CCDC187: variants seen among roughly 807,000 people sequenced by gnomAD.
CCDC187 encodes the protein coiled-coil domain containing 187.
A neutral mutation model predicts 38.0 loss-of-function variants in CCDC187; 32 were observed. The observed-to-expected ratio is 0.84, with a 90% CI of 0.64 to 1.13. The LOEUF (loss-of-function observed/expected upper bound fraction) is 1.13. Among genes scored for constraint, CCDC187 ranks in the 50% most tolerant of loss-of-function variants. CCDC187 has a pLI of 0.00. For missense variants in CCDC187, 707 were observed against 786.8 expected (o/e 0.90, Z 1.21); for synonymous variants, 333 against 347.9 (o/e 0.96, Z 0.48).
chr9:136,268,512 C>G (rs529012821), intron 14 of CCDC187, among the ~76,000 whole-genome samples: 2 of 152,280 alleles, frequency 1.3e-5, no homozygotes, highest in Admixed American at 1.3e-4. Flanking sequence ...AGATCCCCAG[C>G]TGAAGTAGCT....
At chr9:136,260,069 C>G in intron 20 of CCDC187, 50 bp downstream of exon 20, 3 of 985,108 alleles carry the variant, frequency 3.0e-6, no homozygotes, top group Non-Finnish European at 3.6e-6. Context: ...CCAGGGCCCA[C>G]TGAATGAGCA....
At position 136,257,918 on chromosome 9, in the gene CCDC187, A is replaced by G. The variant is rs547307451; in HGVS notation, c.4366+1014T>C. On this transcript the variant is annotated intron_variant, in intron 22 of 25. Coordinates refer to ENST00000638797, the MANE Select transcript of CCDC187 (RefSeq NM_001378188.1). This position sits in a 1 kb window ranked among gnomAD's most constrained non-coding sequence, Gnocchi z 4.5. ...GGTGAACCCTAGACCACGTGAGAAC[A>G]TAAGTCAGGCCTCAGGCTCCTCCTC... is the stretch of plus-strand genomic sequence containing the variant. Among the ~76,000 whole-genome samples the G allele has an allele frequency of 1.3e-5, 2 of 152,346 alleles. No homozygotes were observed. The highest frequency in any genetic ancestry group is 6.5e-5 in the Admixed American group (1 of 15,306).
chr9:136,278,745 G>T (rs1007771161), intron 10 of CCDC187, among the ~76,000 whole-genome samples: 16,174 of 152,210 alleles, frequency 0.11, 1,216 homozygotes, highest in Admixed American at 0.19. Flanking sequence ...TGAGAGCCAG[G>T]GCCCTGCTGT....
rs1588654481 is a variant in CCDC187 at position 136,267,594 on chromosome 9, C to T, written c.3520-83G>A. 4 of 985,484 alleles carry T rather than the reference C, an allele frequency of 4.1e-6. No individual in the cohort carries two copies. The East Asian group carries it at 4.5e-4, about 112-fold the overall frequency. 61.0% of individuals were successfully genotyped at this position (985,484 alleles called of 1,614,324 possible). ...CGCGGGGCTCCAGTAGGGTGGGCCG[C>T]GTCACCGCCTAGCTTCTAGACCGCT... On this transcript the variant is annotated intron_variant, in intron 15 of 25. Coordinates refer to ENST00000638797, the MANE Select transcript of CCDC187 (RefSeq NM_001378188.1).
intron 20 of CCDC187, among the ~76,000 whole-genome samples, chr9:136,259,858 G>A (rs1030009716): frequency 8.5e-5 from 13 of 152,186 alleles, no homozygotes; most frequent in Non-Finnish European, 1.5e-4. Context: ...GTGGTTTCCC[G>A]GCTGGCACAC....
At position 136,255,084 on chromosome 9, in the gene CCDC187, T is replaced by G; in HGVS notation, c.4744A>C (p.Ser1582Arg). ...EAAPPILHQG[S>R]PLLPTTSSCG... Reference sequence around the variant, plus strand: ...GAGGAGGTGGTGGGGAGAAGGGGACTGCCCTGGTGCAGGATTGGGGGCGCC... The same window carrying G: ...GAGGAGGTGGTGGGGAGAAGGGGACGGCCCTGGTGCAGGATTGGGGGCGCC... Residue 1582 changes from serine (S) to arginine (R), a missense_variant, in exon 26 of 26, where the codon AGT (serine) becomes CGT (arginine). Physicochemically the swap from Ser to Arg is moderately radical, Grantham distance 110. Transcript: ENST00000638797. 3.0e-6 allele frequency: 3 copies of G among 985,574 alleles called. No homozygotes were observed. The highest frequency in any genetic ancestry group is 3.6e-6 in the Non-Finnish European group (3 of 830,088). The allele number at this position is 985,574 out of a possible 1,614,324, so 61.1% of individuals were successfully genotyped here. A position where few individuals can be genotyped will look rare whatever the true frequency, so the allele number is the denominator to read the frequency against.
At chr9:136,281,705 G>T in intron 9 of CCDC187, 42 bp from the exon 10 acceptor site, 3 of 398,676 alleles carry the variant, frequency 7.5e-6, no homozygotes, top group African/African-American at 2.1e-5. Context: ...CAGGCCCGTG[G>T]AGGAGACAGG....
In CCDC187 at chr9:136,303,996, C is replaced by T. The variant is rs1272461303; in HGVS notation, c.-166G>A. On this transcript the variant is annotated 5_prime_UTR_variant, in exon 1 of 26. Transcript: ENST00000638797. ...TCCGGATGCCCGCCTGCGCCGGTCCCCTGGCCCACGATGGAAACCCTCAGG... is the reference window on the plus strand; with the variant it reads ...TCCGGATGCCCGCCTGCGCCGGTCCTCTGGCCCACGATGGAAACCCTCAGG... 6.6e-6 allele frequency: 1 copy of T among 152,390 alleles called. No individual in the cohort carries two copies. The highest frequency in any genetic ancestry group is 2.4e-5 in the African/African-American group (1 of 41,450). The allele number at this position is 152,390 out of a possible 1,614,324, so 9.4% of individuals were successfully genotyped here. A position where few individuals can be genotyped will look rare whatever the true frequency, so the allele number is the denominator to read the frequency against.
chr9:136,299,230 C>T (rs1408863853), intron 3 of CCDC187, among the ~76,000 whole-genome samples: 1 of 152,176 alleles, frequency 6.6e-6, no homozygotes, highest in African/African-American at 2.4e-5. Context: ...CTGTCCCCTG[C>T]TCTCCGAGGG....
At chr9:136,279,979 A>G (rs1831007625) in intron 10 of CCDC187, among the ~76,000 whole-genome samples, 1 of 152,200 alleles carries the variant, frequency 6.6e-6, no homozygotes, top group Non-Finnish European at 1.5e-5. Context: ...CCCTTGCCAG[A>G]CACCGGCATC....
chr9:136,290,363 C>G (rs1356564396), intron 6 of CCDC187, 123 bp downstream of exon 6: 12 of 397,658 alleles, frequency 3.0e-5, no homozygotes, highest in Non-Finnish European at 3.1e-5. Context: ...TCCCCAGCCC[C>G]CAGCTGCAGC....
chr9:136,260,862 G>A (rs781948389), intron 19 of CCDC187, among the ~76,000 whole-genome samples: 12 of 152,304 alleles, frequency 7.9e-5, no homozygotes, highest in South Asian at 2.1e-4. Flanking sequence ...GCTGCAGCCC[G>A]CACTCTCACT....
intron 2 of CCDC187, among the ~76,000 whole-genome samples, chr9:136,301,940 C>T (rs1032545998): frequency 2.6e-5 from 4 of 151,986 alleles, no homozygotes; most frequent in Admixed American, 6.6e-5. Context: ...GGCTGGGCAC[C>T]GTGGCTCACA....
chr9:136,281,001 C>T (rs1031518725), intron 10 of CCDC187: 10 of 179,640 alleles, frequency 5.6e-5, no homozygotes, highest in South Asian at 2.0e-4. Flanking sequence ...AAGCGGCAAA[C>T]GGGGGTCCCC....
At chr9:136,270,941 T>A (rs1011038083) in intron 14 of CCDC187, among the ~76,000 whole-genome samples, 1 of 152,262 alleles carries the variant, frequency 6.6e-6, no homozygotes, top group Non-Finnish European at 1.5e-5. Context: ...AAATGATTAA[T>A]AATGTTTATC....
chr9:136,259,306 G>A (rs1468478112), intron 21 of CCDC187, 57 bp downstream of exon 21: 3 of 727,526 alleles, frequency 4.1e-6, no homozygotes, highest in Non-Finnish European at 5.0e-6. Context: ...ATGTTGGGGG[G>A]GGGTGGTCCC....
In CCDC187 at chr9:136,297,838, AAAGG is replaced by A; in HGVS notation, c.725-21_725-18del. The stretch of plus-strand genomic sequence containing the variant: ...CCCTCAGAACTTCAGTGAGGAAGAG[AAAGG>A]AAGGGAGGGAGGGAGGGTGAGCAGT... On this transcript the variant is annotated intron_variant, in intron 3 of 25. Coordinates refer to ENST00000638797, the MANE Select transcript of CCDC187 (RefSeq NM_001378188.1). 2.5e-6 allele frequency: 1 copy of A among 398,182 alleles called. No individual in the cohort carries two copies. Among genetic ancestry groups the A allele is most frequent in the East Asian group, 3.6e-5 (1 of 28,054 alleles). The allele number at this position is 398,182 out of a possible 1,614,324, so 24.7% of individuals were successfully genotyped here.
In CCDC187 at chr9:136,294,111, C is replaced by G. The variant is rs1479203005; in HGVS notation, c.833-1816G>C. Among the ~76,000 whole-genome samples, 8 of 85,438 alleles carry G rather than the reference C, an allele frequency of 9.4e-5. No individual in the cohort carries two copies. The East Asian group carries it at 3.4e-3, about 36-fold the overall frequency. The allele number at this position is 85,438 out of a possible 152,430, so 56.1% of individuals were successfully genotyped here. The stretch of plus-strand genomic sequence containing the variant: ...ACACACGCCCTCAAGTGCTCACACT[C>G]ACACACTCTCACACTCATACACACG... On this transcript the variant is annotated intron_variant, in intron 4 of 25. Coordinates refer to ENST00000638797, the MANE Select transcript of CCDC187 (RefSeq NM_001378188.1).
chr9:136,275,852 G>A, intron 12 of CCDC187, among the ~76,000 whole-genome samples: 1 of 152,212 alleles, frequency 6.6e-6, no homozygotes, highest in East Asian at 1.9e-4. Context: ...AGCACCACAT[G>A]CATTTTGGGT....
Sources: gnomAD v4.1 joint callset for allele counts (sites outside exome capture counted in the v4.1 genomes callset) on GRCh38, gnomAD v4.1.1 for gene constraint, Gnocchi (gnomAD v3.1) non-coding constraint, MANE v1.5 for transcripts, NCBI Gene and HGNC (gene_info 2026-07-23, HGNC 2026-07-21) for gene names.